SNTG1: variants seen among roughly 807,000 people sequenced by gnomAD.
SNTG1 encodes syntrophin gamma 1.
In SNTG1, 39 loss-of-function variants were observed where a neutral mutation model predicts 74.7. That is an observed-to-expected ratio of 0.52 (90% CI 0.40 to 0.68). SNTG1 has a LOEUF of 0.68. Among genes scored for constraint, SNTG1 ranks in the 30% least tolerant of loss-of-function variants. SNTG1 has a pLI of 0.00. For missense variants in SNTG1, 685 were observed against 609.5 expected (o/e 1.12, Z -1.30); for synonymous variants, 254 against 217.1 (o/e 1.17, Z -1.49).
intron 1 of SNTG1, among the ~76,000 whole-genome samples, chr8:50,061,219 CTATT>C (rs1820443292): frequency 6.6e-6 from 1 of 152,054 alleles, no homozygotes; most frequent in African/African-American, 2.4e-5. Flanking sequence ...TGACTTCAAT[CTATT>C]TAATGATTAT....
intron 2 of SNTG1, among the ~76,000 whole-genome samples, chr8:50,198,385 C>T (rs2083860283): frequency 6.6e-6 from 1 of 152,104 alleles, no homozygotes; most frequent in African/African-American, 2.4e-5. Flanking sequence ...CTGATTATTT[C>T]TCTGGAAATA....
intron 2 of SNTG1, among the ~76,000 whole-genome samples, chr8:50,339,563 T>G (rs537685230): frequency 6.6e-6 from 1 of 152,088 alleles, no homozygotes; most frequent in South Asian, 2.1e-4. Context: ...ATGAAGTGTT[T>G]TAGTATAGTA....
At chr8:50,506,266 A>G (rs2094005707) in intron 9 of SNTG1, among the ~76,000 whole-genome samples, 1 of 152,040 alleles carries the variant, frequency 6.6e-6, no homozygotes, top group Admixed American at 6.6e-5. Flanking sequence ...ATGTATCTTG[A>G]GTTCAGAAAG....
rs1586729936 is a variant in SNTG1, at chr8:50,217,300, A to G, written c.-28+44665A>G. Among the ~76,000 whole-genome samples the G allele has an allele frequency of 2.6e-5, 4 of 152,236 alleles. No individual in the cohort carries two copies. In the East Asian group the frequency reaches 7.7e-4, roughly 29 times the overall value. On this transcript the variant is annotated intron_variant, in intron 2 of 18. Coordinates refer to ENST00000642720, the MANE Select transcript of SNTG1 (RefSeq NM_018967.5). ...TGTAATAAAACCACCTTGGCCTATGATGAAAGAAGTATTAATGAAGGGGAG... is the reference window on the plus strand; with the variant it reads ...TGTAATAAAACCACCTTGGCCTATGGTGAAAGAAGTATTAATGAAGGGGAG...
chr8:49,956,462 T>A (rs1314786322), intron 1 of SNTG1, among the ~76,000 whole-genome samples: 1 of 152,180 alleles, frequency 6.6e-6, no homozygotes, highest in African/African-American at 2.4e-5. Context: ...GGTAAGTAAG[T>A]TTGGTTCAGC....
intron 2 of SNTG1, among the ~76,000 whole-genome samples, chr8:50,290,824 T>C (rs7001421): frequency 0.52 from 79,390 of 151,876 alleles, 23,775 homozygotes; most frequent in East Asian, 0.83. Flanking sequence ...AATGGCGTGA[T>C]CTCAGGGCTC....
At chr8:50,132,169 T>C (rs1563638504) in intron 1 of SNTG1, among the ~76,000 whole-genome samples, 1 of 152,198 alleles carries the variant, frequency 6.6e-6, no homozygotes, top group Non-Finnish European at 1.5e-5. Context: ...GGGTCTATTG[T>C]CATTCCATGA....
chr8:50,532,956 T>C (rs2094280790), intron 10 of SNTG1, among the ~76,000 whole-genome samples: 1 of 152,226 alleles, frequency 6.6e-6, no homozygotes, highest in South Asian at 2.1e-4. Context: ...TTTTCTAACA[T>C]GTCCTTACTG....
chr8:49,914,107 A>C (rs924049224), intron 1 of SNTG1, among the ~76,000 whole-genome samples: 1 of 152,110 alleles, frequency 6.6e-6, no homozygotes, highest in East Asian at 1.9e-4. Flanking sequence ...AGTTTGGGAA[A>C]GCAACTTAAT....
At chr8:50,517,758 A>C (rs185577905) in intron 9 of SNTG1, among the ~76,000 whole-genome samples, 18 of 152,316 alleles carry the variant, frequency 1.2e-4, no homozygotes, top group African/African-American at 4.1e-4. Flanking sequence ...AGAGCTAACT[A>C]TCCTAAATAT....
chr8:50,778,036 C>T (rs1232287552), intron 18 of SNTG1, among the ~76,000 whole-genome samples: 1 of 152,118 alleles, frequency 6.6e-6, no homozygotes, highest in Non-Finnish European at 1.5e-5. Flanking sequence ...ATGAACTCAT[C>T]ATTTTTTATG....
chr8:50,119,710 T>G (rs2131349170), intron 1 of SNTG1, among the ~76,000 whole-genome samples: 1 of 141,874 alleles, frequency 7.0e-6, no homozygotes, highest in African/African-American at 2.5e-5. Context: ...ATTGATTCAG[T>G]TTGTAATTTT....
intron 2 of SNTG1, among the ~76,000 whole-genome samples, chr8:50,261,562 T>A (rs34205061): frequency 0.56 from 85,712 of 151,976 alleles, 27,916 homozygotes; most frequent in East Asian, 0.83. Flanking sequence ...TGCTACTAAT[T>A]ATTAGCAACA....
At chr8:50,197,320 A>G (rs2083811947) in intron 2 of SNTG1, among the ~76,000 whole-genome samples, 2 of 152,208 alleles carry the variant, frequency 1.3e-5, no homozygotes, top group African/African-American at 2.4e-5. Context: ...ACATTCCTGT[A>G]AGCAGTATTT....
intron 1 of SNTG1, among the ~76,000 whole-genome samples, chr8:50,000,253 A>T (rs1031716662): frequency 1.3e-5 from 2 of 152,030 alleles, no homozygotes; most frequent in Non-Finnish European, 2.9e-5. Flanking sequence ...TATCCATAGC[A>T]AAGACATTTC....
chr8:50,648,766 A>G (rs143177817), intron 13 of SNTG1, among the ~76,000 whole-genome samples: 2 of 152,110 alleles, frequency 1.3e-5, no homozygotes, highest in African/African-American at 4.8e-5. Context: ...ACCTCCATAA[A>G]CAAGCTACAT....
At chr8:50,466,081 C>T (rs979796280) in intron 8 of SNTG1, among the ~76,000 whole-genome samples, 5 of 152,068 alleles carry the variant, frequency 3.3e-5, no homozygotes, top group Admixed American at 3.3e-4. Context: ...TGTTGCCCTA[C>T]ATGCATGCCA....
intron 2 of SNTG1, among the ~76,000 whole-genome samples, chr8:50,214,253 T>A (rs1316746450): frequency 9.8e-6 from 1 of 102,278 alleles, no homozygotes; most frequent in Non-Finnish European, 1.8e-5. Flanking sequence ...CTCTGGGGAC[T>A]GTTGTGGGGT....
At chr8:50,605,716 C>A (rs2094807396) in intron 13 of SNTG1, among the ~76,000 whole-genome samples, 1 of 152,050 alleles carries the variant, frequency 6.6e-6, no homozygotes, top group Non-Finnish European at 1.5e-5. Flanking sequence ...TTATTGTTCA[C>A]CTGATTTTTG....
Sources: gnomAD v4.1 joint callset for allele counts (sites outside exome capture counted in the v4.1 genomes callset) on GRCh38, gnomAD v4.1.1 for gene constraint, MANE v1.5 for transcripts, NCBI Gene and HGNC (gene_info 2026-07-23, HGNC 2026-07-21) for gene names.